Variants in SAMD5 observed in about 807,000 individuals in gnomAD.
The protein encoded by SAMD5 is sterile alpha motif domain containing 5.
In SAMD5, 13 loss-of-function variants were observed where a neutral mutation model predicts 11.3. The ratio of observed to expected loss-of-function variants is 1.15; its 90% CI spans 0.75 to 1.83. SAMD5 has a LOEUF of 1.83. Ranked by LOEUF, SAMD5 falls within the 40% of genes most tolerant of loss-of-function variation. SAMD5 has a pLI of 0.00. For synonymous variants in SAMD5, 129 were observed against 111.3 expected (o/e 1.16, Z -1.00); for missense variants, 255 against 239.1 (o/e 1.07, Z -0.44).
chr6:147,637,086 G>A (rs1790241370), intron 1 of SAMD5, among the ~76,000 whole-genome samples: 1 of 152,198 alleles, frequency 6.6e-6, no homozygotes, highest in Non-Finnish European at 1.5e-5. Flanking sequence ...AGCCCGTGGA[G>A]CTCACATGGG....
At chr6:147,868,661 A>C in the SAMD5 span, among the ~76,000 whole-genome samples, 1,230 of 152,344 alleles carry the variant, frequency 8.1e-3, 16 homozygotes, top group African/African-American at 0.028. Flanking sequence ...TTGGCTTAGA[A>C]GGCTCTCAAG....
the SAMD5 span, among the ~76,000 whole-genome samples, chr6:147,877,439 G>A: frequency 6.6e-6 from 1 of 152,160 alleles, no homozygotes; most frequent in African/African-American, 2.4e-5. Flanking sequence ...CAAGCATGGA[G>A]GTACAAATGG....
Position 147,568,658 on chromosome 6 carries a change from A to C in SAMD5, c.*4202A>C. 1.0e-6 allele frequency: 1 copy of C among 985,394 alleles called. No homozygotes were observed. The highest frequency in any genetic ancestry group is 1.2e-6 in the Non-Finnish European group (1 of 829,886). The allele number at this position is 985,394 out of a possible 1,614,324, so 61.0% of individuals were successfully genotyped here. A position where few individuals can be genotyped will look rare whatever the true frequency, so the allele number is the denominator to read the frequency against. ...CACACATAGTGACTTTATTAAATCA[A>C]ATGAGTTGTGCAGAGCAGAGCAAAT... is the stretch of plus-strand genomic sequence containing the variant. On this transcript the variant is annotated 3_prime_UTR_variant, in exon 2 of 2. Coordinates refer to ENST00000367474, the MANE Select transcript of SAMD5 (RefSeq NM_001030060.3).
At position 147,680,087 on chromosome 6, in the gene SAMD5, T is replaced by C. The variant is rs541860121; in HGVS notation, c.163-57230T>C. Among the ~76,000 whole-genome samples the C allele has an allele frequency of 3.9e-4, 59 of 152,222 alleles. 2 individuals carry two copies. Among genetic ancestry groups the C allele is most frequent in the African/African-American group, 1.3e-3 (54 of 41,566 alleles). On this transcript the variant is annotated intron_variant, in intron 1 of 1. Transcript: ENST00000566741. ...GTTGCTTTGGATTTTCTAGGTCCTTTGCATTTTCATGTAAATTTGACTTAA... is the reference window on the plus strand; with the variant it reads ...GTTGCTTTGGATTTTCTAGGTCCTTCGCATTTTCATGTAAATTTGACTTAA...
chr6:147,870,689 A>G, the SAMD5 span, among the ~76,000 whole-genome samples: 1 of 150,810 alleles, frequency 6.6e-6, no homozygotes, highest in African/African-American at 2.4e-5. Flanking sequence ...AGAATGCCAG[A>G]CTGCACACAT....
At chr6:147,850,408 C>T in the SAMD5 span, among the ~76,000 whole-genome samples, 3 of 152,116 alleles carry the variant, frequency 2.0e-5, no homozygotes, top group Non-Finnish European at 1.5e-5. Flanking sequence ...ATTACTTTCA[C>T]TAGAGGAAAT....
chr6:147,604,203 TACTA>T (rs1469366819), intron 1 of SAMD5, among the ~76,000 whole-genome samples: 2 of 105,602 alleles, frequency 1.9e-5, no homozygotes, highest in Non-Finnish European at 3.7e-5. Flanking sequence ...TACATCAATG[TACTA>T]ACTTTTTTTT....
At chr6:147,854,169 G>A in the SAMD5 span, among the ~76,000 whole-genome samples, 2 of 152,158 alleles carry the variant, frequency 1.3e-5, no homozygotes, top group Admixed American at 6.6e-5. Context: ...GAACCAAAGA[G>A]AAAGTAGGAA....
At chr6:147,897,600 C>A in the SAMD5 span, among the ~76,000 whole-genome samples, 2 of 152,142 alleles carry the variant, frequency 1.3e-5, no homozygotes, top group Admixed American at 1.3e-4. Context: ...CAAATCACCT[C>A]ATTCCTGGGG....
chr6:147,763,116 GTCTT>G, the SAMD5 span, among the ~76,000 whole-genome samples: 1 of 152,146 alleles, frequency 6.6e-6, no homozygotes, highest in South Asian at 2.1e-4. Flanking sequence ...GATACAGTCT[GTCTT>G]TATTTAAAAT....
At position 147,614,674 on chromosome 6, in the gene SAMD5, G is replaced by T. The variant is rs549329635; in HGVS notation, c.162+105287G>T. Reference sequence around the variant, plus strand: ...AAGTGGTTACCGGAGATTTGGGGTGGGGAAGGGTTGGGGATAGTATTGCCT... The same window carrying T: ...AAGTGGTTACCGGAGATTTGGGGTGTGGAAGGGTTGGGGATAGTATTGCCT... On this transcript the variant is annotated intron_variant, in intron 1 of 1. Transcript: ENST00000566741. Among the ~76,000 whole-genome samples the T allele has an allele frequency of 2.6e-5, 4 of 151,978 alleles. No individual in the cohort carries two copies. In the South Asian group the frequency reaches 8.3e-4, roughly 32 times the overall value.
intron 1 of SAMD5, among the ~76,000 whole-genome samples, chr6:147,661,456 G>A (rs1055894514): frequency 6.6e-6 from 1 of 152,264 alleles, no homozygotes; most frequent in South Asian, 2.1e-4. Context: ...AAGTGTAGGA[G>A]CATCATATGA....
At chr6:147,909,644 T>G in the SAMD5 span, among the ~76,000 whole-genome samples, 4 of 130,666 alleles carry the variant, frequency 3.1e-5, no homozygotes, top group African/African-American at 6.5e-5. Flanking sequence ...CTTTCTTGTC[T>G]TTTGTACCAT....
intron 1 of SAMD5, among the ~76,000 whole-genome samples, chr6:147,550,982 C>T (rs1788762395): frequency 1.3e-5 from 2 of 152,086 alleles, no homozygotes; most frequent in African/African-American, 4.8e-5. Context: ...TGTGAGGCAT[C>T]CATGTTTTTT....
the SAMD5 span, among the ~76,000 whole-genome samples, chr6:147,761,411 A>G: frequency 1.3e-5 from 2 of 152,196 alleles, no homozygotes; most frequent in Admixed American, 1.3e-4. Context: ...AGAAATTTAA[A>G]TAAAAGAGAC....
the SAMD5 span, among the ~76,000 whole-genome samples, chr6:147,878,891 A>T: frequency 7.9e-5 from 12 of 152,074 alleles, 1 homozygote; most frequent in South Asian, 2.5e-3. Flanking sequence ...AGTAGCTGGG[A>T]CTATAGGCAC....
intron 1 of SAMD5, chr6:147,733,755 G>A: frequency 1.0e-6 from 1 of 964,612 alleles, no homozygotes. Flanking sequence ...AATTCTTCAG[G>A]CAGAAAATGG....
At chr6:147,807,137 T>G in the SAMD5 span, among the ~76,000 whole-genome samples, 1 of 152,170 alleles carries the variant, frequency 6.6e-6, no homozygotes, top group Non-Finnish European at 1.5e-5. Context: ...TCTTGCTCTG[T>G]CACCCAGGCT....
the SAMD5 span, among the ~76,000 whole-genome samples, chr6:147,854,762 T>A: frequency 6.6e-6 from 1 of 152,152 alleles, no homozygotes; most frequent in Non-Finnish European, 1.5e-5. Flanking sequence ...CAGAAAAGAA[T>A]TAAAACATAA....
Sources: allele counts gnomAD v4.1 joint callset (sites outside exome capture counted in the v4.1 genomes callset), GRCh38; gene constraint gnomAD v4.1.1; transcripts MANE v1.5; gene names NCBI Gene and HGNC (gene_info 2026-07-23, HGNC 2026-07-21).